TNRC6B: variants seen among roughly 807,000 people sequenced by gnomAD.
TNRC6B encodes the protein trinucleotide repeat containing adaptor 6B, also known as trinucleotide repeat-containing gene 6B protein.
TNRC6B carries 52 observed loss-of-function variants against 203.6 expected under a neutral mutation model. The ratio of observed to expected loss-of-function variants is 0.26; its 90% confidence interval spans 0.20 to 0.32. The LOEUF (loss-of-function observed/expected upper bound fraction) is 0.32. Ranked by LOEUF, TNRC6B falls within the 10% of genes least tolerant of loss-of-function variation. TNRC6B has a pLI of 1.00. For missense variants in TNRC6B, 1,923 were observed against 2,286.2 expected (o/e 0.84, Z 3.24); for synonymous variants, 838 against 845.7 (o/e 0.99, Z 0.16).
intron 3 of TNRC6B, among the ~76,000 whole-genome samples, chr22:40,261,178 CAAGA>C (rs2070376723): frequency 6.6e-6 from 1 of 152,050 alleles, no homozygotes; most frequent in Admixed American, 6.6e-5. Context: ...CCCAGCTACT[CAAGA>C]GGCTGAGGTG....
intron 3 of TNRC6B, among the ~76,000 whole-genome samples, chr22:40,145,673 CT>C (rs1178108193): frequency 6.6e-5 from 10 of 152,098 alleles, no homozygotes; most frequent in Non-Finnish European, 1.2e-4. Flanking sequence ...GAAACCCCGT[CT>C]CTACTAAAAA....
intron 1 of TNRC6B, among the ~76,000 whole-genome samples, chr22:40,076,198 C>T (rs116995154): frequency 0.041 from 6,286 of 152,324 alleles, 189 homozygotes; most frequent in Middle Eastern, 0.071. Context: ...AGGAGGATAG[C>T]TTGAGCCCAG....
intron 3 of TNRC6B, among the ~76,000 whole-genome samples, chr22:40,146,455 G>A (rs2068696356): frequency 6.6e-6 from 1 of 152,014 alleles, no homozygotes; most frequent in African/African-American, 2.4e-5. Context: ...GAGACCAATG[G>A]CATGATTTTG....
chr22:40,156,099 G>A, intron 3 of TNRC6B: 2 of 1,568,994 alleles, frequency 1.3e-6, no homozygotes, highest in Non-Finnish European at 1.7e-6. Context: ...CTGACCTGTG[G>A]TGCTTGCCTT....
chr22:40,080,162 C>T (rs1349358565), intron 1 of TNRC6B, among the ~76,000 whole-genome samples: 1 of 148,606 alleles, frequency 6.7e-6, no homozygotes, highest in Non-Finnish European at 1.5e-5. Context: ...TCTCGAACTC[C>T]TGACTCTTGG....
rs184107572 is a variant in TNRC6B at position 40,291,431 on chromosome 22, G to A, written c.3708+5661G>A. On this transcript the variant is annotated intron_variant, in intron 12 of 22. Transcript: ENST00000454349. ...GATAACCACACACAGTTTGGATAGC[G>A]GAGAAACAAATTCTTAAAGAAACCT... 5.0e-4 allele frequency among the ~76,000 whole-genome samples: 76 copies of A among 152,136 alleles called. 2 individuals are homozygous for A. The highest frequency in any genetic ancestry group is 1.9e-4 in the East Asian group (1 of 5,186).
intron 1 of TNRC6B, among the ~76,000 whole-genome samples, chr22:40,103,484 T>C (rs2068257507): frequency 6.6e-6 from 1 of 152,208 alleles, no homozygotes; most frequent in Non-Finnish European, 1.5e-5. Flanking sequence ...GGTTCATTCA[T>C]GTTGTAGTAT....
At chr22:40,270,313 C>CTTT (rs372710238) in intron 6 of TNRC6B, 33 bp downstream of exon 6, 38 of 1,218,082 alleles carry the variant, frequency 3.1e-5, no homozygotes, top group South Asian at 9.7e-5. Context: ...TTGAGGGATC[C>CTTT]TTTTTTTTTT....
intron 3 of TNRC6B, among the ~76,000 whole-genome samples, chr22:40,130,161 G>A (rs2068528426): frequency 6.6e-6 from 1 of 152,118 alleles, no homozygotes; most frequent in African/African-American, 2.4e-5. Flanking sequence ...GAGAAAAGAG[G>A]GAAGAAATGG....
intron 2 of TNRC6B, among the ~76,000 whole-genome samples, chr22:40,120,752 C>A (rs1310722813): frequency 6.6e-6 from 1 of 152,112 alleles, no homozygotes; most frequent in African/African-American, 2.4e-5. Context: ...AGGTGGAGAT[C>A]AAAATTTCAC....
intron 12 of TNRC6B, among the ~76,000 whole-genome samples, chr22:40,287,449 C>T (rs1254850112): frequency 6.6e-6 from 1 of 152,180 alleles, no homozygotes; most frequent in Non-Finnish European, 1.5e-5. Flanking sequence ...CTCCACACCC[C>T]TTCCTTGCCT....
chr22:40,277,146 T>C lies in TNRC6B; in HGVS notation c.3211T>C (p.Leu1071=), dbSNP rs766057716. ...TGCCAAACAGTTTTCAAATATGGGA[T>C]TGCTGGTAAGTTTTATTTTTTTCAA... is the stretch of plus-strand genomic sequence containing the variant. ...PLAKQFSNMG[L]LSQTEDNPSS... The change falls in exon 8 of 23, where the codon TTG becomes CTG. Residue 1071 remains leucine, a synonymous_variant. Coordinates refer to ENST00000454349, the MANE Select transcript of TNRC6B (RefSeq NM_001162501.2). The C allele has an allele frequency of 1.7e-5, 28 of 1,606,722 alleles. 2 individuals carry two copies. The Admixed American group carries it at 2.4e-4, about 14-fold the overall frequency.
intron 1 of TNRC6B, among the ~76,000 whole-genome samples, chr22:40,090,471 T>G (rs1423757890): frequency 6.6e-6 from 1 of 152,138 alleles, no homozygotes; most frequent in Non-Finnish European, 1.5e-5. Context: ...TATCCTTATT[T>G]GCCATCTGTA....
intron 3 of TNRC6B, among the ~76,000 whole-genome samples, chr22:40,149,701 A>G (rs1204055339): frequency 2.1e-5 from 3 of 143,576 alleles, no homozygotes; most frequent in Non-Finnish European, 4.5e-5. Flanking sequence ...AAAAAAAAAA[A>G]AGATTAAAGA....
chr22:40,105,111 C>A (rs2068271807), intron 1 of TNRC6B, among the ~76,000 whole-genome samples: 1 of 152,152 alleles, frequency 6.6e-6, no homozygotes, highest in Non-Finnish European at 1.5e-5. Flanking sequence ...TGGCAGACTA[C>A]TTGTGAGAAA....
chr22:40,092,403 A>G (rs938928556), intron 1 of TNRC6B, among the ~76,000 whole-genome samples: 1 of 137,826 alleles, frequency 7.3e-6, no homozygotes, highest in South Asian at 2.1e-4. Flanking sequence ...CTCTGTCTCA[A>G]AAAAAAAAAA....
chr22:40,149,679 C>CAAAAAAAA (rs58482182), intron 3 of TNRC6B, among the ~76,000 whole-genome samples: 1 of 84,844 alleles, frequency 1.2e-5, no homozygotes. Flanking sequence ...CCTCCCCCGC[C>CAAAAAAAA]AAAAAAAAAA....
chr22:40,258,071 CTTTTTTTTTTTTTTT>C (rs56078653), intron 3 of TNRC6B, among the ~76,000 whole-genome samples: 17 of 28,716 alleles, frequency 5.9e-4, no homozygotes, highest in Middle Eastern at 0.038. Context: ...GATACACAGC[CTTTTTTTTTTTTTTT>C]TTTTTTTTTT....
intron 2 of TNRC6B, among the ~76,000 whole-genome samples, chr22:40,118,563 A>G (rs1056708155): frequency 1.6e-4 from 24 of 152,228 alleles, no homozygotes; most frequent in Admixed American, 6.5e-4. Flanking sequence ...TATTGAATTG[A>G]TATCTATTGC....
Sources: gnomAD v4.1 joint callset for allele counts (sites outside exome capture counted in the v4.1 genomes callset) on GRCh38, gnomAD v4.1.1 for gene constraint, MANE v1.5 for transcripts, NCBI Gene and HGNC (gene_info 2026-07-23, HGNC 2026-07-21) for gene names.